The following SERPINI1 variants were observed in gnomAD, a reference collection of about 807,000 sequenced individuals.
SERPINI1 encodes the protein serpin family I member 1, also known as neuroserpin.
Under a neutral mutation model 41.1 loss-of-function variants are expected in SERPINI1, and 19 were observed. The ratio of observed to expected loss-of-function variants is 0.46; its 90% CI spans 0.32 to 0.68. The LOEUF is 0.68. Ranked by LOEUF, SERPINI1 falls within the 30% of genes least tolerant of loss-of-function variation. SERPINI1 has a pLI of 0.03. For missense variants in SERPINI1, 460 were observed against 479.2 expected (o/e 0.96, Z 0.37); for synonymous variants, 138 against 156.6 (o/e 0.88, Z 0.89).
chr3:167,825,492 G>C lies in SERPINI1; in HGVS notation c.*169G>C. The C allele has an allele frequency of 1.7e-6, 1 of 605,272 alleles. No homozygotes were observed. The highest frequency in any genetic ancestry group is 3.0e-6 in the Non-Finnish European group (1 of 336,998). 37.5% of individuals were successfully genotyped at this position (605,272 alleles called of 1,614,324 possible). A position where few individuals can be genotyped will look rare whatever the true frequency, so the allele number is the denominator to read the frequency against. ...AGTAACTTGTCAAGGAATGTTATCA[G>C]TATTAAGCTAATGGTCCTGTTATGT... On this transcript the variant is annotated 3_prime_UTR_variant, in exon 9 of 9. Coordinates refer to ENST00000446050, the MANE Select transcript of SERPINI1 (RefSeq NM_001122752.2).
intron 3 of SERPINI1, among the ~76,000 whole-genome samples, 169 bp downstream of exon 3, chr3:167,790,771 T>G (rs1376567983): frequency 6.6e-6 from 1 of 152,238 alleles, no homozygotes; most frequent in Non-Finnish European, 1.5e-5. Context: ...AACATTGTTA[T>G]GAATGAACAT....
At chr3:167,757,447 AC>A (rs1380661353) in intron 1 of SERPINI1, among the ~76,000 whole-genome samples, 1 of 152,152 alleles carries the variant, frequency 6.6e-6, no homozygotes, top group Non-Finnish European at 1.5e-5. Context: ...CGTTAATGTT[AC>A]CTGTTTTCAA....
intron 1 of SERPINI1, among the ~76,000 whole-genome samples, chr3:167,769,314 C>T (rs1726667557): frequency 6.6e-6 from 1 of 152,006 alleles, no homozygotes; most frequent in Non-Finnish European, 1.5e-5. Flanking sequence ...TTTTAATTGC[C>T]AACGACAGGA....
chr3:167,778,126 G>A (rs1328905535), intron 1 of SERPINI1, among the ~76,000 whole-genome samples: 1 of 152,150 alleles, frequency 6.6e-6, no homozygotes, highest in Non-Finnish European at 1.5e-5. Flanking sequence ...TTCTATTATA[G>A]CAACAGAAAA....
chr3:167,751,317 C>A (rs1726043390), intron 1 of SERPINI1, among the ~76,000 whole-genome samples: 2 of 152,150 alleles, frequency 1.3e-5, no homozygotes, highest in South Asian at 4.1e-4. Flanking sequence ...CAATCATGAG[C>A]ACCTTGGTAA....
chr3:167,792,355 A>G (rs1276727276), intron 3 of SERPINI1, among the ~76,000 whole-genome samples: 1 of 129,588 alleles, frequency 7.7e-6, no homozygotes, highest in East Asian at 2.1e-4. Context: ...ACACACATAT[A>G]TATATACACA....
chr3:167,768,827 G>A lies in SERPINI1; in HGVS notation c.-18-20284G>A, dbSNP rs189567299. 5.3e-5 allele frequency among the ~76,000 whole-genome samples: 8 copies of A among 152,324 alleles called. No individual in the cohort carries two copies. The East Asian group carries it at 5.8e-4, about 11-fold the overall frequency. ...GGCTGCTGCAGGAATACCATGATCC[G>A]CATAGGAAATATGCTTATGGTAAAG... On this transcript the variant is annotated intron_variant, in intron 1 of 8. Coordinates refer to ENST00000446050, the MANE Select transcript of SERPINI1 (RefSeq NM_001122752.2).
At chr3:167,773,603 C>T (rs1336620728) in intron 1 of SERPINI1, among the ~76,000 whole-genome samples, 2 of 152,148 alleles carry the variant, frequency 1.3e-5, no homozygotes, top group Non-Finnish European at 2.9e-5. Context: ...GCCCACACTG[C>T]AATAAAAATT....
intron 6 of SERPINI1, among the ~76,000 whole-genome samples, chr3:167,813,268 G>A (rs577229708): frequency 2.0e-5 from 3 of 152,274 alleles, no homozygotes; most frequent in African/African-American, 7.2e-5. Flanking sequence ...CCTGCCCCCA[G>A]CTGTTTGCTT....
chr3:167,765,381 T>A (rs1411100455), intron 1 of SERPINI1, among the ~76,000 whole-genome samples: 1 of 152,232 alleles, frequency 6.6e-6, no homozygotes, highest in Non-Finnish European at 1.5e-5. Flanking sequence ...GCTTGAAGCT[T>A]GCACCCTCTG....
intron 1 of SERPINI1, among the ~76,000 whole-genome samples, chr3:167,749,125 A>G (rs530470422): frequency 5.9e-4 from 90 of 152,300 alleles, no homozygotes; most frequent in African/African-American, 2.1e-3. Context: ...ATATATCACT[A>G]TTTTGAAATT....
At chr3:167,755,707 C>G (rs556996953) in intron 1 of SERPINI1, among the ~76,000 whole-genome samples, 2 of 151,344 alleles carry the variant, frequency 1.3e-5, no homozygotes, top group South Asian at 2.1e-4. Flanking sequence ...CTTCTGTAAT[C>G]TCTCAGATTC....
intron 6 of SERPINI1, among the ~76,000 whole-genome samples, chr3:167,814,748 C>T (rs116082017): frequency 6.6e-6 from 1 of 152,134 alleles, no homozygotes; most frequent in African/African-American, 2.4e-5. Flanking sequence ...TCTTGCCCTG[C>T]TTTTTTCAGA....
In SERPINI1 at chr3:167,807,289, T is replaced by C; in HGVS notation, c.927T>C (p.Ala309=). ...QEIDLKDVLK[A]LGITEIFIKD... is the part of the protein sequence containing the mutation. The stretch of plus-strand genomic sequence containing the variant: ...TTGATTTAAAAGATGTTTTGAAGGC[T>C]CTTGGAATAACTGAAATTTTCATCA... Residue 309 remains alanine, a synonymous_variant, in exon 6 of 9, where the codon GCT becomes GCC. Transcript: ENST00000446050. 1 of 1,613,076 alleles carries C rather than the reference T, an allele frequency of 6.2e-7. No homozygotes were observed. The highest frequency in any genetic ancestry group is 8.5e-7 in the Non-Finnish European group (1 of 1,179,380).
At chr3:167,762,515 C>CA (rs1247816549) in intron 1 of SERPINI1, among the ~76,000 whole-genome samples, 1 of 152,252 alleles carries the variant, frequency 6.6e-6, no homozygotes, top group East Asian at 1.9e-4. Flanking sequence ...CTTTCAGTTT[C>CA]ACTCTCCACC....
intron 1 of SERPINI1, among the ~76,000 whole-genome samples, chr3:167,779,460 A>C (rs748903513): frequency 1.2e-4 from 18 of 152,204 alleles, no homozygotes; most frequent in Non-Finnish European, 2.2e-4. Context: ...ATTGCATTCC[A>C]CTATACATGT....
intron 1 of SERPINI1, among the ~76,000 whole-genome samples, chr3:167,785,009 G>A (rs149227271): frequency 5.5e-4 from 83 of 152,258 alleles, no homozygotes; most frequent in African/African-American, 1.9e-3. Flanking sequence ...TTGGGAGGCC[G>A]AGGCGGGTGG....
intron 1 of SERPINI1, among the ~76,000 whole-genome samples, chr3:167,788,149 A>G (rs967884549): frequency 2.0e-5 from 3 of 152,194 alleles, no homozygotes; most frequent in Non-Finnish European, 2.9e-5. Context: ...AATACAAAGG[A>G]AAGAGGAAAT....
At chr3:167,790,967 G>C (rs989400574) in intron 3 of SERPINI1, among the ~76,000 whole-genome samples, 3 of 151,898 alleles carry the variant, frequency 2.0e-5, no homozygotes, top group African/African-American at 7.3e-5. Context: ...GATTAAAATA[G>C]AGTAAAAAAG....
Sources: allele counts gnomAD v4.1 joint callset (sites outside exome capture counted in the v4.1 genomes callset), GRCh38; gene constraint gnomAD v4.1.1; transcripts MANE v1.5; gene names NCBI Gene and HGNC (gene_info 2026-07-23, HGNC 2026-07-21).